Variants in SHPRH observed in about 807,000 individuals in gnomAD.
The protein encoded by SHPRH is SNF2 histone linker PHD RING helicase.
Under a neutral mutation model 202.5 loss-of-function variants are expected in SHPRH, and 106 were observed. The observed-to-expected ratio is 0.52, with a 90% CI of 0.45 to 0.62. The LOEUF (loss-of-function observed/expected upper bound fraction) is 0.62. Among genes scored for constraint, SHPRH ranks in the 20% least tolerant of loss-of-function variants. SHPRH has a pLI of 0.00. For synonymous variants in SHPRH, 729 were observed against 686.0 expected (o/e 1.06, Z -0.98); for missense variants, 1,710 against 2,020.0 (o/e 0.85, Z 2.94).
intron 24 of SHPRH, among the ~76,000 whole-genome samples, chr6:145,911,527 G>A (rs1783492785): frequency 1.3e-5 from 2 of 152,156 alleles, no homozygotes; most frequent in African/African-American, 4.8e-5. Flanking sequence ...CTTTGGCAAC[G>A]AGAGACGTAA....
chr6:145,866,817 C>A (rs901035881), intron 2 of SHPRH, among the ~76,000 whole-genome samples: 1 of 152,158 alleles, frequency 6.6e-6, no homozygotes, highest in Non-Finnish European at 1.5e-5. Context: ...ATTCAGGGAA[C>A]AAAAGTGTTT....
chr6:145,893,973 T>C (rs922231831), intron 27 of SHPRH, among the ~76,000 whole-genome samples, 177 bp downstream of exon 27: 4 of 152,094 alleles, frequency 2.6e-5, no homozygotes, highest in Non-Finnish European at 5.9e-5. Flanking sequence ...TCTTGTTATA[T>C]ACTGAAAATA....
At chr6:145,951,498 C>T (rs1787975558) in intron 3 of SHPRH, among the ~76,000 whole-genome samples, 1 of 151,914 alleles carries the variant, frequency 6.6e-6, no homozygotes, top group Admixed American at 6.6e-5. Context: ...AGATTAATAG[C>T]TAAATTTGAA....
chr6:145,931,645 A>C (rs544914154), intron 14 of SHPRH, among the ~76,000 whole-genome samples: 15 of 151,566 alleles, frequency 9.9e-5, no homozygotes, highest in East Asian at 7.8e-4. Flanking sequence ...CTGATTTTTT[A>C]TTTTTTCTTT....
Position 145,926,200 on chromosome 6 carries a change from T to C in SHPRH, c.3294+4A>G, listed in dbSNP as rs776918826. 7 of 1,611,880 alleles carry C rather than the reference T, an allele frequency of 4.3e-6. No individual in the cohort carries two copies. The African/African-American group carries it at 9.4e-5, about 22-fold the overall frequency. On this transcript the variant is annotated splice_donor_region_variant and intron_variant, in intron 16 of 29. Coordinates refer to ENST00000275233, the MANE Select transcript of SHPRH (RefSeq NM_001042683.3). ...TTTATAGACAGAATGAAAAAAATAATTACCTCTTCCTCAAGTCGGCCATCA... is the reference window on the plus strand; with the variant it reads ...TTTATAGACAGAATGAAAAAAATAACTACCTCTTCCTCAAGTCGGCCATCA...
intron 26 of SHPRH, among the ~76,000 whole-genome samples, 190 bp from the exon 27 acceptor site, chr6:145,894,426 T>TC (rs1781832266): frequency 6.6e-6 from 1 of 151,324 alleles, no homozygotes; most frequent in Non-Finnish European, 1.5e-5. Context: ...GTTTGTTTTT[T>TC]TTTTTTTGCA....
rs1300618864 is a variant in SHPRH at position 145,935,274 on chromosome 6, T to A, written c.2733+4A>T. 6.2e-7 allele frequency: 1 copy of A among 1,613,902 alleles called. No individual in the cohort carries two copies. The highest frequency in any genetic ancestry group is 8.5e-7 in the Non-Finnish European group (1 of 1,179,980). On this transcript the variant is annotated splice_donor_region_variant and intron_variant, in intron 12 of 29. Transcript: ENST00000275233. ...CTTTATCAATAAAAACTTATTGTAC[T>A]GACTTGGTCAATCACATCTTTCTTT...
intron 11 of SHPRH, among the ~76,000 whole-genome samples, chr6:145,937,504 C>A (rs1421694121): frequency 6.6e-6 from 1 of 152,170 alleles, no homozygotes; most frequent in Non-Finnish European, 1.5e-5. Flanking sequence ...AACATCCACT[C>A]TTACCCTCTT....
At chr6:145,928,589 CATAT>C (rs1785115048) in intron 14 of SHPRH, among the ~76,000 whole-genome samples, 1 of 151,782 alleles carries the variant, frequency 6.6e-6, no homozygotes, top group African/African-American at 2.4e-5. Flanking sequence ...GTTTTTAGCT[CATAT>C]ATAAGTTTAC....
Position 145,892,447 on chromosome 6 carries a change from T to C in SHPRH, c.4874+768A>G, listed in dbSNP as rs572493601. Among the ~76,000 whole-genome samples the C allele has an allele frequency of 4.6e-5, 7 of 152,288 alleles. No homozygotes were observed. The East Asian group carries it at 1.2e-3, about 25-fold the overall frequency. On this transcript the variant is annotated intron_variant, in intron 28 of 29. Transcript: ENST00000275233. ...CTTCCTGTACTACACAGTGACCTCC[T>C]TGGGGAAATAAATTATGTATCATTC...
At chr6:145,892,298 A>C (rs547558899) in intron 28 of SHPRH, among the ~76,000 whole-genome samples, 1 of 152,266 alleles carries the variant, frequency 6.6e-6, no homozygotes, top group African/African-American at 2.4e-5. Flanking sequence ...TTATTCCTTC[A>C]AGACTTAACA....
chr6:145,909,220 ATTAT>A (rs1783260115), intron 25 of SHPRH: 1 of 152,062 alleles, frequency 6.6e-6, no homozygotes, highest in South Asian at 2.1e-4. Flanking sequence ...ATTATAACAC[ATTAT>A]TTATTAACAT....
At position 145,896,323 on chromosome 6, in the gene SHPRH, T is replaced by C. The variant is rs566915724; in HGVS notation, c.4516-1346A>G. Among the ~76,000 whole-genome samples, 6 of 152,132 alleles carry C rather than the reference T, an allele frequency of 3.9e-5. No individual in the cohort carries two copies. In the South Asian group the frequency reaches 1.2e-3, roughly 32 times the overall value. ...AGAAAATAGGAAATTAGTGTAAAGG[T>C]GATCATTTCAGAATTTAGACAAAAA... On this transcript the variant is annotated intron_variant, in intron 25 of 29. Transcript: ENST00000275233.
chr6:145,941,701 G>T lies in SHPRH; in HGVS notation c.2412C>A (p.Ile804=). 6.2e-7 allele frequency: 1 copy of T among 1,613,970 alleles called. No individual in the cohort carries two copies. Among genetic ancestry groups the T allele is most frequent in the Non-Finnish European group, 8.5e-7 (1 of 1,179,948 alleles). Residue 804 remains isoleucine, a synonymous_variant, in exon 10 of 30, where the codon ATC becomes ATA. Coordinates refer to ENST00000275233, the MANE Select transcript of SHPRH (RefSeq NM_001042683.3). ...ACTCCACAGCTACCAGGGGGCTCGG[G>T]ATAGCCATATAGCGCTTCTGGTTCC... The part of the protein sequence containing the change: ...RLRNQKRYMA[I]PSPLVAVEWW...
chr6:145,911,918 A>G (rs1178343311), intron 24 of SHPRH, among the ~76,000 whole-genome samples: 1 of 152,148 alleles, frequency 6.6e-6, no homozygotes, highest in African/African-American at 2.4e-5. Context: ...ATGAAATTGA[A>G]GAGCTGTTTT....
chr6:145,934,813 A>C (rs1202837448), intron 13 of SHPRH, 94 bp downstream of exon 13: 1 of 1,209,122 alleles, frequency 8.3e-7, no homozygotes. Flanking sequence ...GATAACTGAC[A>C]ACTCAGTTAC....
chr6:145,945,376 GT>G lies in SHPRH; in HGVS notation c.1578+4del. 6.2e-7 allele frequency: 1 copy of G among 1,606,966 alleles called. No individual in the cohort carries two copies. The highest frequency in any genetic ancestry group is 8.5e-7 in the Non-Finnish European group (1 of 1,177,176). ...TAATATAGAGCTGAACTTAAGCTCT[GT>G]TACCTGCTTTTTTGTTTTATCACAT... On this transcript the variant is annotated splice_donor_region_variant and intron_variant, in intron 8 of 29. Transcript: ENST00000275233.
chr6:145,948,686 C>A (rs895831773), intron 4 of SHPRH, among the ~76,000 whole-genome samples: 1 of 151,988 alleles, frequency 6.6e-6, no homozygotes, highest in Non-Finnish European at 1.5e-5. Flanking sequence ...ATGAATGAGT[C>A]TATTTTTAAT....
chr6:145,861,271 A>G (rs1562264606), downstream of SHPRH, among the ~76,000 whole-genome samples: 1 of 152,166 alleles, frequency 6.6e-6, no homozygotes, highest in Non-Finnish European at 1.5e-5. Context: ...ATTTGATTTA[A>G]AAATGGGCAA....
Sources: allele counts gnomAD v4.1 joint callset (sites outside exome capture counted in the v4.1 genomes callset), GRCh38; gene constraint gnomAD v4.1.1; transcripts MANE v1.5; gene names NCBI Gene and HGNC (gene_info 2026-07-23, HGNC 2026-07-21).